Variants in ATP2B1 observed in about 807,000 individuals in gnomAD.
ATP2B1 encodes the protein plasma membrane calcium-transporting ATPase 1.
A neutral mutation model predicts 124.2 loss-of-function variants in ATP2B1; 14 were observed. That is an observed-to-expected ratio of 0.11 (90% CI 0.07 to 0.18). The LOEUF is 0.18. Ranked by LOEUF, ATP2B1 falls within the 10% of genes least tolerant of loss-of-function variation. ATP2B1 has a pLI of 1.00. For synonymous variants in ATP2B1, 449 were observed against 492.4 expected (o/e 0.91, Z 1.17); for missense variants, 763 against 1,466.1 (o/e 0.52, Z 7.83).
chr12:89,590,932 T>G lies in ATP2B1; in HGVS notation c.*52A>C. 1 of 1,523,778 alleles carries G rather than the reference T, an allele frequency of 6.6e-7. No homozygotes were observed. 94.4% of individuals were successfully genotyped at this position (1,523,778 alleles called of 1,614,324 possible). A position where few individuals can be genotyped will look rare whatever the true frequency, so the allele number is the denominator to read the frequency against. On this transcript the variant is annotated 3_prime_UTR_variant, in exon 21 of 21. Transcript: ENST00000428670. Reference sequence around the variant, plus strand: ...CATCACAATATGTGAAAAGACCCAGTTTCAATTTGTTTCTTTACAATGCAG... The same window carrying G: ...CATCACAATATGTGAAAAGACCCAGGTTCAATTTGTTTCTTTACAATGCAG...
intron 19 of ATP2B1, among the ~76,000 whole-genome samples, chr12:89,600,016 T>C (rs374470596): frequency 3.3e-5 from 5 of 152,146 alleles, no homozygotes; most frequent in East Asian, 1.9e-4. Context: ...CAAGGTGAAA[T>C]AGGCTTCAAG....
At chr12:89,635,703 G>C (rs999194509) in intron 3 of ATP2B1, among the ~76,000 whole-genome samples, 1 of 152,164 alleles carries the variant, frequency 6.6e-6, no homozygotes, top group Non-Finnish European at 1.5e-5. Flanking sequence ...ACATATGATA[G>C]ACAAGATATA....
Position 89,597,975 on chromosome 12 carries a change from T to C in ATP2B1, c.3351+1142A>G, listed in dbSNP as rs759887324. 3.1e-4 allele frequency among the ~76,000 whole-genome samples: 35 copies of C among 112,212 alleles called. 1 individual carries two copies. Among genetic ancestry groups the C allele is most frequent in the Non-Finnish European group, 5.0e-4 (29 of 57,992 alleles). 73.6% of individuals were successfully genotyped at this position (112,212 alleles called of 152,430 possible). Reference sequence around the variant, plus strand: ...TGGAAAAAAAAAACACCCCAAACCATAAATACCACAGAAACTTTTTAAATT... The same window carrying C: ...TGGAAAAAAAAAACACCCCAAACCACAAATACCACAGAAACTTTTTAAATT... On this transcript the variant is annotated intron_variant, in intron 20 of 20. Transcript: ENST00000428670.
At chr12:89,595,700 G>C (rs1395566989) in intron 20 of ATP2B1, among the ~76,000 whole-genome samples, 5 of 151,918 alleles carry the variant, frequency 3.3e-5, no homozygotes, top group African/African-American at 1.2e-4. Context: ...CTGATGTTCT[G>C]TACCACCTAA....
chr12:89,647,573 C>T (rs1462688451), intron 2 of ATP2B1, among the ~76,000 whole-genome samples: 1 of 152,170 alleles, frequency 6.6e-6, no homozygotes, highest in Non-Finnish European at 1.5e-5. Context: ...ACAGCTAACA[C>T]ACAGCACATA....
chr12:89,672,124 T>C (rs560042022), intron 1 of ATP2B1, among the ~76,000 whole-genome samples: 1 of 152,164 alleles, frequency 6.6e-6, no homozygotes, highest in Non-Finnish European at 1.5e-5. Flanking sequence ...CTAAGCAAAT[T>C]GCTCTATCTC....
At chr12:89,602,136 T>A (rs1009850903) in intron 18 of ATP2B1, among the ~76,000 whole-genome samples, 2 of 152,168 alleles carry the variant, frequency 1.3e-5, no homozygotes, top group African/African-American at 4.8e-5. Context: ...ATGGAAATAT[T>A]AAGAATTAAC....
chr12:89,657,619 T>C (rs1473373174), intron 1 of ATP2B1, among the ~76,000 whole-genome samples: 3 of 152,252 alleles, frequency 2.0e-5, no homozygotes, highest in African/African-American at 7.2e-5. Context: ...ATGGTCCTCA[T>C]ACTTCAGCAT....
rs1876275068 is a variant in ATP2B1 at position 89,603,509 on chromosome 12, T to C, written c.2848+203A>G. 3.1e-6 allele frequency: 2 copies of C among 645,378 alleles called. No individual in the cohort carries two copies. The allele number at this position is 645,378 out of a possible 1,614,324, so 40.0% of individuals were successfully genotyped here. A position where few individuals can be genotyped will look rare whatever the true frequency, so the allele number is the denominator to read the frequency against. On this transcript the variant is annotated intron_variant, in intron 17 of 20. Transcript: ENST00000428670. The surrounding 1 kb of genome is among the most constrained non-coding windows in gnomAD (Gnocchi z 4.3). ...GAGCCAGGGTAAGACATCAGGACTG[T>C]TTATTCTCCTGTTTATTCTACTATC...
intron 1 of ATP2B1, among the ~76,000 whole-genome samples, chr12:89,658,432 T>C (rs60597909): frequency 0.016 from 2,504 of 152,170 alleles, 63 homozygotes; most frequent in African/African-American, 0.058. Context: ...CCTACTGGAG[T>C]AGAGGTAAAT....
At chr12:89,617,083 T>A (rs755120851) in intron 11 of ATP2B1, 44 bp from the exon 12 acceptor site, 2 of 1,470,570 alleles carry the variant, frequency 1.4e-6, no homozygotes, top group South Asian at 1.1e-5. Context: ...TTTAAAAAAA[T>A]AATGGTTAAT....
In ATP2B1 at chr12:89,642,282, C is replaced by G. The variant is rs1267016867; in HGVS notation, c.282G>C (p.Lys94Asn). 6.2e-7 allele frequency: 1 copy of G among 1,613,828 alleles called. No homozygotes were observed. Among genetic ancestry groups the G allele is most frequent in the East Asian group, 2.2e-5 (1 of 44,828 alleles). ...VFGKNFIPPK[K>N]PKTFLQLVWE... ...ATACTAATTGAAGAAAGGTTTTTGG[C>G]TTTTTAGGAGGTATAAAATTCTTTC... Residue 94 changes from lysine to asparagine, a missense_variant, in exon 3 of 21, where the codon AAG becomes AAC. By Grantham distance (94) the Lys-to-Asn change is moderately conservative. Transcript: ENST00000428670.
chr12:89,598,439 G>T, intron 20 of ATP2B1: 1 of 831,250 alleles, frequency 1.2e-6, no homozygotes, highest in Non-Finnish European at 1.8e-6. Context: ...AAACAACAAC[G>T]ACAACACTTT....
chr12:89,607,123 G>A (rs989738326), intron 15 of ATP2B1, among the ~76,000 whole-genome samples: 1 of 152,036 alleles, frequency 6.6e-6, no homozygotes, highest in African/African-American at 2.4e-5. Flanking sequence ...ATATGATATC[G>A]CATAGTGTGT....
chr12:89,651,962 T>A (rs1047729186), intron 2 of ATP2B1, among the ~76,000 whole-genome samples: 7 of 152,214 alleles, frequency 4.6e-5, no homozygotes, highest in Admixed American at 4.6e-4. Flanking sequence ...ATCATAAGGA[T>A]AGCCTATCAT....
rs1448893332 is a variant in ATP2B1 at position 89,590,448 on chromosome 12, T to C, written c.*536A>G. ...TTTTTTTCCTGAAAATACAGCAGTA[T>C]TTGAAGGACTAATTTTTCTCTGCAT... On this transcript the variant is annotated 3_prime_UTR_variant, in exon 21 of 21. Transcript: ENST00000428670. 6.6e-6 allele frequency: 1 copy of C among 152,170 alleles called. No individual in the cohort carries two copies. Among genetic ancestry groups the C allele is most frequent in the Non-Finnish European group, 1.5e-5 (1 of 67,900 alleles). The allele number at this position is 152,170 out of a possible 1,614,324, so 9.4% of individuals were successfully genotyped here. A position where few individuals can be genotyped will look rare whatever the true frequency, so the allele number is the denominator to read the frequency against.
At chr12:89,628,892 C>CA (rs1469238434) in intron 6 of ATP2B1, among the ~76,000 whole-genome samples, 6 of 152,086 alleles carry the variant, frequency 3.9e-5, no homozygotes. Flanking sequence ...AACTGAGACA[C>CA]ATTACCCCGG....
At chr12:89,607,298 G>C (rs1018139863) in intron 15 of ATP2B1, among the ~76,000 whole-genome samples, 1 of 152,154 alleles carries the variant, frequency 6.6e-6, no homozygotes, top group African/African-American at 2.4e-5. Context: ...TAGTTAGATT[G>C]AAAAACTTGT....
chr12:89,634,668 A>G, intron 5 of ATP2B1, 110 bp downstream of exon 5: 2 of 1,219,066 alleles, frequency 1.6e-6, no homozygotes, highest in Non-Finnish European at 2.2e-6. Flanking sequence ...AGGTAGCATA[A>G]AATACAGATT....
Sources: gnomAD v4.1 joint callset for allele counts (sites outside exome capture counted in the v4.1 genomes callset) on GRCh38, gnomAD v4.1.1 for gene constraint, Gnocchi (gnomAD v3.1) non-coding constraint, MANE v1.5 for transcripts, NCBI Gene and HGNC (gene_info 2026-07-23, HGNC 2026-07-21) for gene names.